The following TSPAN9 variants were observed in gnomAD, a reference collection of about 807,000 sequenced individuals.
TSPAN9 encodes tetraspanin-9.
In TSPAN9, 16 loss-of-function variants were observed where a neutral mutation model predicts 31.0. That is an observed-to-expected ratio of 0.52 (90% CI 0.35 to 0.78). TSPAN9 has a LOEUF of 0.78. TSPAN9 is among the 30% of genes least tolerant of loss of function. TSPAN9 has a pLI of 0.01. For missense variants in TSPAN9, 272 were observed against 312.5 expected, an observed-to-expected ratio of 0.87 and a Z score of 0.98; for synonymous variants, 145 against 121.6, an observed-to-expected ratio of 1.19 and a Z score of -1.27.
chr12:3,203,805 C>G (rs2098373376), intron 3 of TSPAN9, among the ~76,000 whole-genome samples: 1 of 152,146 alleles, frequency 6.6e-6, no homozygotes, highest in Non-Finnish European at 1.5e-5. Context: ...GTGTTTGCCA[C>G]TGTGTTTATC....
chr12:3,113,151 C>T (rs183065634), intron 2 of TSPAN9, among the ~76,000 whole-genome samples: 69 of 152,298 alleles, frequency 4.5e-4, no homozygotes, highest in African/African-American at 1.6e-3. Flanking sequence ...AGCTTACATT[C>T]TAATGTAAGA....
chr12:3,109,297 T>TGAGAGAGAGAGAGA (rs1392219043), intron 2 of TSPAN9, among the ~76,000 whole-genome samples: 5 of 112,328 alleles, frequency 4.5e-5, no homozygotes, highest in South Asian at 2.4e-4. Flanking sequence ...TGTGTGTGTG[T>TGAGAGAGAGAGAGA]GTGAGAGAGA....
intron 2 of TSPAN9, among the ~76,000 whole-genome samples, chr12:3,158,869 C>T (rs1251702133): frequency 6.6e-6 from 1 of 151,912 alleles, no homozygotes; most frequent in Non-Finnish European, 1.5e-5. Flanking sequence ...GAATTAGGCA[C>T]AGTCTTCGCG....
chr12:3,101,397 G>A (rs2098311787), intron 2 of TSPAN9, among the ~76,000 whole-genome samples: 1 of 152,116 alleles, frequency 6.6e-6, no homozygotes, highest in South Asian at 2.1e-4. Flanking sequence ...GCTTAGGGAT[G>A]CTGTGTTTGG....
intron 2 of TSPAN9, among the ~76,000 whole-genome samples, chr12:3,169,473 T>G (rs943562347): frequency 6.6e-6 from 1 of 152,192 alleles, no homozygotes. Flanking sequence ...TCTCCACCTG[T>G]CAAATGGGCA....
chr12:3,122,704 C>T (rs1591637556), intron 2 of TSPAN9, among the ~76,000 whole-genome samples: 1 of 152,164 alleles, frequency 6.6e-6, no homozygotes. Context: ...AGGGAGGTGG[C>T]GTCCACTTTT....
intron 3 of TSPAN9, among the ~76,000 whole-genome samples, chr12:3,268,473 C>T (rs1484922640): frequency 1.4e-5 from 2 of 139,592 alleles, no homozygotes; most frequent in African/African-American, 5.5e-5. Context: ...TCTGTGCGTT[C>T]CTGCAGCCTG....
At chr12:3,227,812 G>A (rs1217841862) in intron 3 of TSPAN9, among the ~76,000 whole-genome samples, 1 of 152,168 alleles carries the variant, frequency 6.6e-6, no homozygotes, top group Non-Finnish European at 1.5e-5. Flanking sequence ...CGGTTGGCAG[G>A]CCCCAGGGAG....
At chr12:3,177,429 G>C (rs2098356373) in intron 2 of TSPAN9, among the ~76,000 whole-genome samples, 1 of 145,786 alleles carries the variant, frequency 6.9e-6, no homozygotes, top group Non-Finnish European at 1.5e-5. Flanking sequence ...GAGCCACTGT[G>C]CTCGGCCAAG....
intron 2 of TSPAN9, among the ~76,000 whole-genome samples, chr12:3,123,819 C>T (rs2098326202): frequency 6.6e-6 from 1 of 152,110 alleles, no homozygotes; most frequent in South Asian, 2.1e-4. Context: ...TCAGATCCTT[C>T]CCACTTCGTA....
At chr12:3,079,682 A>C (rs2098296838) in intron 1 of TSPAN9, among the ~76,000 whole-genome samples, 2 of 151,046 alleles carry the variant, frequency 1.3e-5, no homozygotes, top group South Asian at 4.2e-4. Flanking sequence ...GACTGGTCTC[A>C]AACTCCTGAC....
At chr12:3,096,488 T>A (rs746179450) in intron 2 of TSPAN9, among the ~76,000 whole-genome samples, 10 of 152,036 alleles carry the variant, frequency 6.6e-5, no homozygotes, top group Admixed American at 2.6e-4. Flanking sequence ...GTGCTTTCCC[T>A]GTTTTCTCAT....
In TSPAN9 at chr12:3,191,106, C is replaced by T. The variant is rs1018556241; in HGVS notation, c.-17-10071C>T. 1.6e-4 allele frequency among the ~76,000 whole-genome samples: 24 copies of T among 150,954 alleles called. No homozygotes were observed. The East Asian group carries it at 2.0e-3, about 12-fold the overall frequency. ...GGTGTGGGGGAAAGGGGGTTTCAGG[C>T]GGAGGGAGCATCCAGTGCAAAGGCC... On this transcript the variant is annotated intron_variant, in intron 2 of 8. Coordinates refer to ENST00000011898, the MANE Select transcript of TSPAN9 (RefSeq NM_006675.5).
chr12:3,209,057 A>G (rs2153973797), intron 3 of TSPAN9, among the ~76,000 whole-genome samples: 1 of 152,188 alleles, frequency 6.6e-6, no homozygotes, highest in Admixed American at 6.5e-5. Context: ...CAACATAGTG[A>G]AACCCTGTCT....
chr12:3,258,260 G>C (rs537976598), intron 3 of TSPAN9, among the ~76,000 whole-genome samples: 1 of 152,316 alleles, frequency 6.6e-6, no homozygotes, highest in African/African-American at 2.4e-5. Flanking sequence ...GCTCAGTCTC[G>C]GGCTGAGTCC....
intron 2 of TSPAN9, among the ~76,000 whole-genome samples, chr12:3,105,754 A>ACACACGCG (rs2098314071): frequency 2.2e-5 from 2 of 91,510 alleles, no homozygotes; most frequent in African/African-American, 3.0e-5. Context: ...ACACTCACAC[A>ACACACGCG]CACGCACACA....
At chr12:3,095,889 C>G (rs1253571065) in intron 2 of TSPAN9, among the ~76,000 whole-genome samples, 1 of 146,796 alleles carries the variant, frequency 6.8e-6, no homozygotes. Flanking sequence ...ACATCCCAGA[C>G]GATGGGCGGC....
Position 3,280,568 on chromosome 12 carries a change from C to G in TSPAN9, c.432+85C>G, listed in dbSNP as rs1380845774. 1.6e-5 allele frequency: 20 copies of G among 1,285,498 alleles called. No individual in the cohort carries two copies. The East Asian group carries it at 4.7e-4, about 30-fold the overall frequency. The allele number at this position is 1,285,498 out of a possible 1,614,324, so 79.6% of individuals were successfully genotyped here. A position where few individuals can be genotyped will look rare whatever the true frequency, so the allele number is the denominator to read the frequency against. On this transcript the variant is annotated intron_variant, in intron 6 of 8. Transcript: ENST00000011898. The surrounding 1 kb of genome is among the most constrained non-coding windows in gnomAD (Gnocchi z 4.5). ...CTAGCTGCCTTCCCCGGTGACCTGG[C>G]CGGGCACCTGTGCTTTCTGGATTTT...
chr12:3,183,229 C>A (rs901735265), intron 2 of TSPAN9, among the ~76,000 whole-genome samples: 1 of 152,188 alleles, frequency 6.6e-6, no homozygotes, highest in Non-Finnish European at 1.5e-5. Flanking sequence ...CACTGCATCC[C>A]TCTGTGCTAG....
Sources: allele counts gnomAD v4.1 joint callset (sites outside exome capture counted in the v4.1 genomes callset), GRCh38; gene constraint gnomAD v4.1.1; non-coding constraint Gnocchi (gnomAD v3.1); transcripts MANE v1.5; gene names NCBI Gene and HGNC (gene_info 2026-07-23, HGNC 2026-07-21).